MEMO1: variants seen among roughly 807,000 people sequenced by gnomAD.
MEMO1 encodes protein MEMO1.
MEMO1 carries 6 observed loss-of-function variants against 45.2 expected under a neutral mutation model. The observed-to-expected ratio is 0.13, with a 90% CI of 0.07 to 0.26. The LOEUF is 0.26. Among genes scored for constraint, MEMO1 ranks in the 10% least tolerant of loss-of-function variants. The pLI, the probability that MEMO1 is intolerant of heterozygous loss-of-function variation, is 1.00. For missense variants in MEMO1, 184 were observed against 370.5 expected (o/e 0.50, Z 4.13); for synonymous variants, 78 against 124.3 (o/e 0.63, Z 2.48).
At chr2:31,902,449 A>G (rs1218478131) in intron 6 of MEMO1, among the ~76,000 whole-genome samples, 1 of 152,106 alleles carries the variant, frequency 6.6e-6, no homozygotes, top group Non-Finnish European at 1.5e-5. Flanking sequence ...ATTTTAGTGT[A>G]TAAATCATAC....
chr2:32,000,050 A>G (rs1454555385), intron 2 of MEMO1, among the ~76,000 whole-genome samples: 4 of 151,674 alleles, frequency 2.6e-5, no homozygotes, highest in Admixed American at 2.6e-4. Context: ...ACATCCAGCT[A>G]ATTTTTTTAT....
chr2:31,957,079 T>G (rs566651695), intron 2 of MEMO1, among the ~76,000 whole-genome samples: 1 of 151,230 alleles, frequency 6.6e-6, no homozygotes, highest in Non-Finnish European at 1.5e-5. Context: ...GAGGTGGAGA[T>G]TGCGGTGAAA....
At chr2:31,928,840 T>C (rs1009369906) in intron 4 of MEMO1, among the ~76,000 whole-genome samples, 5 of 152,182 alleles carry the variant, frequency 3.3e-5, no homozygotes, top group African/African-American at 9.7e-5. Context: ...GCTTTTTTTA[T>C]TTAGTCAATG....
intron 3 of MEMO1, among the ~76,000 whole-genome samples, chr2:31,936,656 C>A (rs1664958642): frequency 6.6e-6 from 1 of 152,160 alleles, no homozygotes; most frequent in African/African-American, 2.4e-5. Context: ...CAAATTCTTA[C>A]CATAGAAAAA....
At chr2:32,009,582 G>T (rs1674548818) in intron 2 of MEMO1, among the ~76,000 whole-genome samples, 1 of 152,242 alleles carries the variant, frequency 6.6e-6, no homozygotes, top group South Asian at 2.1e-4. Flanking sequence ...AGCACCAGAG[G>T]CACGGGGCGA....
intron 2 of MEMO1, among the ~76,000 whole-genome samples, chr2:31,950,605 C>T (rs910174616): frequency 6.6e-6 from 1 of 151,292 alleles, no homozygotes; most frequent in African/African-American, 2.4e-5. Context: ...CACCTGTAAT[C>T]CCAGATTTGG....
rs1296761453 is a variant in MEMO1 at position 31,920,680 on chromosome 2, AT to A, written c.325+117del. ...TGTTTTATGCAGATTAGTTATAACA[AT>A]TTTTATTTTAAATATTGAGATATTA... On this transcript the variant is annotated intron_variant, in intron 5 of 9. Coordinates refer to ENST00000404530, the MANE Select transcript of MEMO1 (RefSeq NM_001301833.4). 4.2e-5 allele frequency: 22 copies of A among 524,376 alleles called. No individual in the cohort carries two copies. In the African/African-American group the frequency reaches 4.2e-4, roughly 10 times the overall value. The allele number at this position is 524,376 out of a possible 1,614,324, so 32.5% of individuals were successfully genotyped here. A position where few individuals can be genotyped will look rare whatever the true frequency, so the allele number is the denominator to read the frequency against.
At chr2:31,963,123 C>T (rs966791853) in intron 2 of MEMO1, 1 of 1,494,068 alleles carries the variant, frequency 6.7e-7, no homozygotes, top group Admixed American at 2.1e-5. Context: ...CTAACTACAC[C>T]ATTAGCTCTC....
intron 2 of MEMO1, among the ~76,000 whole-genome samples, chr2:31,961,769 C>A (rs566867108): frequency 6.6e-6 from 1 of 151,436 alleles, no homozygotes; most frequent in African/African-American, 2.4e-5. Flanking sequence ...CAAAGTGAGA[C>A]CCTGACTCAA....
intron 6 of MEMO1, among the ~76,000 whole-genome samples, chr2:31,908,729 ACTGAGT>A (rs977754570): frequency 3.9e-5 from 6 of 152,168 alleles, no homozygotes; most frequent in Non-Finnish European, 1.5e-5. Flanking sequence ...TACCCACTTC[ACTGAGT>A]ATTCTGTTCT....
At chr2:31,943,174 A>T (rs1665808976) in intron 3 of MEMO1, 128 bp downstream of exon 3, 1 of 715,280 alleles carries the variant, frequency 1.4e-6, no homozygotes, top group African/African-American at 1.8e-5. Flanking sequence ...TTGAGGCAGG[A>T]GAGTCGCTTG....
At chr2:31,920,511 C>G (rs1682161888) in intron 5 of MEMO1, among the ~76,000 whole-genome samples, 1 of 152,068 alleles carries the variant, frequency 6.6e-6, no homozygotes, top group South Asian at 2.1e-4. Flanking sequence ...AATTTTTTGT[C>G]TCCTGGTACA....
chr2:32,002,828 G>C (rs556358717), intron 2 of MEMO1, among the ~76,000 whole-genome samples: 2 of 152,306 alleles, frequency 1.3e-5, no homozygotes, highest in Non-Finnish European at 2.9e-5. Context: ...AGATGATTTT[G>C]ACTTGGAAAC....
intron 6 of MEMO1, among the ~76,000 whole-genome samples, chr2:31,902,852 C>G (rs1183052554): frequency 6.6e-6 from 1 of 151,870 alleles, no homozygotes; most frequent in Non-Finnish European, 1.5e-5. Context: ...CCTGGAGCCC[C>G]TCACTTTAAA....
At chr2:31,999,476 AATATAGTGAGAC>A (rs1242369480) in intron 2 of MEMO1, among the ~76,000 whole-genome samples, 1 of 152,126 alleles carries the variant, frequency 6.6e-6, no homozygotes, top group Non-Finnish European at 1.5e-5. Context: ...CAGCCTGAGC[AATATAGTGAGAC>A]CCGCCCCCCC....
At chr2:31,978,935 T>C (rs937270146) in intron 2 of MEMO1, among the ~76,000 whole-genome samples, 3 of 152,180 alleles carry the variant, frequency 2.0e-5, no homozygotes, top group Admixed American at 2.0e-4. Flanking sequence ...TCCCAGATTT[T>C]ACCATTCTAT....
At position 31,965,434 on chromosome 2, in the gene MEMO1, A is replaced by C. The variant is rs116831568; in HGVS notation, c.62-22051T>G. ...GATGAAACAAGTCAGCCATAGGATAATAATCTTGTAAATGGGGTAAATGAG... is the reference window on the plus strand; with the variant it reads ...GATGAAACAAGTCAGCCATAGGATACTAATCTTGTAAATGGGGTAAATGAG... On this transcript the variant is annotated intron_variant, in intron 2 of 9. Coordinates refer to ENST00000404530, the MANE Select transcript of MEMO1 (RefSeq NM_001301833.4). 7.2e-3 allele frequency among the ~76,000 whole-genome samples: 1,103 copies of C among 152,272 alleles called. 13 individuals are homozygous for C. Among genetic ancestry groups the C allele is most frequent in the African/African-American group, 0.026 (1,066 of 41,540 alleles).
At chr2:31,927,420 G>C (rs1298513419) in intron 4 of MEMO1, among the ~76,000 whole-genome samples, 1 of 152,102 alleles carries the variant, frequency 6.6e-6, no homozygotes, top group Admixed American at 6.5e-5. Flanking sequence ...TAGTATTAAA[G>C]AAAAATATCC....
chr2:31,949,989 G>C (rs1231324359), intron 2 of MEMO1, among the ~76,000 whole-genome samples: 5 of 152,102 alleles, frequency 3.3e-5, no homozygotes, highest in African/African-American at 1.2e-4. Flanking sequence ...GTATCACTAA[G>C]AAGGAAAAAA....
Sources: gnomAD v4.1 joint callset for allele counts (sites outside exome capture counted in the v4.1 genomes callset) on GRCh38, gnomAD v4.1.1 for gene constraint, MANE v1.5 for transcripts, NCBI Gene and HGNC (gene_info 2026-07-23, HGNC 2026-07-21) for gene names.